FSTL4: variants seen among roughly 807,000 people sequenced by gnomAD.
FSTL4 encodes follistatin-related protein 4.
In FSTL4, 28 loss-of-function variants were observed where a neutral mutation model predicts 78.2. That is an observed-to-expected ratio of 0.36 (90% CI 0.27 to 0.49). FSTL4 has a LOEUF of 0.49. Among genes scored for constraint, FSTL4 ranks in the 20% least tolerant of loss-of-function variants. The pLI is 0.98. For missense variants in FSTL4, 922 were observed against 1,084.9 expected (o/e 0.85, Z 2.11); for synonymous variants, 422 against 440.5 (o/e 0.96, Z 0.53).
At chr5:133,783,229 C>T in the FSTL4 span, among the ~76,000 whole-genome samples, 1 of 152,292 alleles carries the variant, frequency 6.6e-6, no homozygotes, top group East Asian at 1.9e-4. Flanking sequence ...GCGTCAACCT[C>T]AATGAAATTA....
the FSTL4 span, among the ~76,000 whole-genome samples, chr5:133,756,416 G>C: frequency 6.6e-6 from 1 of 151,838 alleles, no homozygotes; most frequent in African/African-American, 2.4e-5. Context: ...AAGCAGAAGA[G>C]GGACCTGATT....
chr5:133,757,221 A>T, the FSTL4 span, among the ~76,000 whole-genome samples: 1 of 149,046 alleles, frequency 6.7e-6, no homozygotes, highest in Non-Finnish European at 1.5e-5. Context: ...TTAAAGAATA[A>T]AAAGGTAAAA....
chr5:133,768,189 C>T, the FSTL4 span, among the ~76,000 whole-genome samples: 1 of 152,176 alleles, frequency 6.6e-6, no homozygotes, highest in Admixed American at 6.5e-5. Context: ...TCTCTCCATC[C>T]AGAATGGAGC....
chr5:133,228,994 G>A (rs1751412839), intron 8 of FSTL4, among the ~76,000 whole-genome samples: 1 of 152,172 alleles, frequency 6.6e-6, no homozygotes, highest in Non-Finnish European at 1.5e-5. Context: ...GGATTAATTG[G>A]TACGTAACGA....
At chr5:133,515,039 A>C (rs1758825476) in intron 3 of FSTL4, among the ~76,000 whole-genome samples, 1 of 152,218 alleles carries the variant, frequency 6.6e-6, no homozygotes, top group African/African-American at 2.4e-5. Context: ...AAGAAAAGAA[A>C]ATTAACATCT....
chr5:133,372,690 T>C (rs1162450358), intron 4 of FSTL4, among the ~76,000 whole-genome samples: 1 of 152,236 alleles, frequency 6.6e-6, no homozygotes, highest in Non-Finnish European at 1.5e-5. Flanking sequence ...CCAGACACAT[T>C]CTGAACAGCC....
intron 4 of FSTL4, among the ~76,000 whole-genome samples, chr5:133,392,426 G>A (rs918916226): frequency 1.3e-5 from 2 of 152,220 alleles, no homozygotes; most frequent in African/African-American, 2.4e-5. Context: ...GGGTTGCAGA[G>A]AGGATGACAG....
At chr5:133,707,487 T>A in the FSTL4 span, among the ~76,000 whole-genome samples, 1 of 152,184 alleles carries the variant, frequency 6.6e-6, no homozygotes, top group African/African-American at 2.4e-5. Context: ...AAACGAATGA[T>A]GCACATGAAG....
At chr5:133,538,961 A>G in intron 3 of FSTL4, among the ~76,000 whole-genome samples, 1 of 152,122 alleles carries the variant, frequency 6.6e-6, no homozygotes, top group East Asian at 1.9e-4. Context: ...CGTGGTCTCT[A>G]CATGTTGGCT....
chr5:133,334,210 T>C (rs551625623), intron 4 of FSTL4, among the ~76,000 whole-genome samples: 1 of 152,206 alleles, frequency 6.6e-6, no homozygotes, highest in Non-Finnish European at 1.5e-5. Context: ...AGTTCCTAGG[T>C]GATTGCTTCA....
intron 6 of FSTL4, among the ~76,000 whole-genome samples, chr5:133,281,021 A>G (rs1471612816): frequency 6.6e-6 from 1 of 152,162 alleles, no homozygotes; most frequent in Non-Finnish European, 1.5e-5. Context: ...TTACCATTAA[A>G]TGCCAGCAGC....
chr5:133,628,303 CA>C, the FSTL4 span, among the ~76,000 whole-genome samples: 3 of 151,316 alleles, frequency 2.0e-5, no homozygotes, highest in Non-Finnish European at 4.4e-5. Flanking sequence ...AAAAACCCTT[CA>C]AAAAAATCAG....
Position 133,225,684 on chromosome 5 carries a change from T to C in FSTL4, c.1151A>G (p.Gln384Arg), listed in dbSNP as rs184010802. The C allele has an allele frequency of 6.2e-6, 10 of 1,608,268 alleles. No homozygotes were observed. Among genetic ancestry groups the C allele is most frequent in the Admixed American group, 1.7e-5 (1 of 59,144 alleles). Residue 384 changes from glutamine to arginine, a missense_variant, in exon 9 of 16, where the codon CAG becomes CGG. Gln to Arg is a conservative substitution (Grantham distance 43). Coordinates refer to ENST00000265342, the MANE Select transcript of FSTL4 (RefSeq NM_015082.2). The surrounding 1 kb of genome is among the most constrained non-coding windows in gnomAD (Gnocchi z 4.6). Reference protein sequence around the residue: ...WLKNGVDVSTQMSKQLSLLAN... With the variant: ...WLKNGVDVSTRMSKQLSLLAN... ...TAAAAGGGAGAGCTGTTTGGACATCTGAGTTGAGACATCCACGCCGTTTTT... is the reference window on the plus strand; with the variant it reads ...TAAAAGGGAGAGCTGTTTGGACATCCGAGTTGAGACATCCACGCCGTTTTT...
chr5:133,594,922 A>C (rs1281167928), intron 2 of FSTL4, among the ~76,000 whole-genome samples: 2 of 152,232 alleles, frequency 1.3e-5, no homozygotes, highest in Non-Finnish European at 2.9e-5. Flanking sequence ...ATACCTACTT[A>C]ATGACATTTT....
At chr5:133,795,519 G>A in the FSTL4 span, among the ~76,000 whole-genome samples, 2 of 152,154 alleles carry the variant, frequency 1.3e-5, no homozygotes, top group Non-Finnish European at 2.9e-5. Flanking sequence ...GGAAACACAG[G>A]ATTTAAAAAA....
chr5:133,564,397 C>G (rs1173809360), intron 3 of FSTL4, among the ~76,000 whole-genome samples: 2 of 152,168 alleles, frequency 1.3e-5, no homozygotes, highest in Non-Finnish European at 2.9e-5. Context: ...TTTAAAGGTG[C>G]CTTTCCAGAA....
chr5:133,539,002 CAGGGCA>C (rs1187808660), intron 3 of FSTL4, among the ~76,000 whole-genome samples: 2 of 152,230 alleles, frequency 1.3e-5, no homozygotes, highest in Admixed American at 6.5e-5. Context: ...ATGGTAACCT[CAGGGCA>C]CTGTTTATAT....
At chr5:133,728,231 C>T in the FSTL4 span, among the ~76,000 whole-genome samples, 1 of 152,214 alleles carries the variant, frequency 6.6e-6, no homozygotes. Context: ...AGATTCTGAG[C>T]ACTCAGCAAA....
chr5:133,563,577 C>A (rs1415736981), intron 3 of FSTL4, among the ~76,000 whole-genome samples: 3 of 152,212 alleles, frequency 2.0e-5, no homozygotes, highest in Non-Finnish European at 4.4e-5. Context: ...AGAAGATATT[C>A]TTATTATTGC....
Sources: gnomAD v4.1 joint callset for allele counts (sites outside exome capture counted in the v4.1 genomes callset) on GRCh38, gnomAD v4.1.1 for gene constraint, Gnocchi (gnomAD v3.1) non-coding constraint, MANE v1.5 for transcripts, NCBI Gene and HGNC (gene_info 2026-07-23, HGNC 2026-07-21) for gene names.